Variants in LCORL observed in about 807,000 individuals in gnomAD.
The protein encoded by LCORL is ligand dependent nuclear receptor corepressor like, also known as ligand-dependent nuclear receptor corepressor-like protein.
A neutral mutation model predicts 141.8 loss-of-function variants in LCORL; 41 were observed. The observed-to-expected ratio is 0.29, with a 90% CI of 0.23 to 0.38. The LOEUF is 0.38. Ranked by LOEUF, LCORL falls within the 10% of genes least tolerant of loss-of-function variation. The pLI is 1.00. For missense variants in LCORL, 1,759 were observed against 2,035.0 expected (o/e 0.86, Z 2.61); for synonymous variants, 618 against 694.1 (o/e 0.89, Z 1.72).
intron 4 of LCORL, among the ~76,000 whole-genome samples, chr4:17,917,935 T>C (rs1307260569): frequency 6.9e-6 from 1 of 145,322 alleles, no homozygotes. Flanking sequence ...AAGTTACAGG[T>C]TAACAAAAAC....
At chr4:17,854,462 A>G (rs1724126616) in intron 7 of LCORL, among the ~76,000 whole-genome samples, 1 of 152,174 alleles carries the variant, frequency 6.6e-6, no homozygotes, top group African/African-American at 2.4e-5. Flanking sequence ...TTCTGCATTG[A>G]ACCATATTAG....
At position 17,884,087 on chromosome 4, in the gene LCORL, T is replaced by A. The variant is rs745872784; in HGVS notation, c.776+1981A>T. On this transcript the variant is annotated intron_variant, in intron 6 of 7. Transcript: ENST00000635767. This position sits in a 1 kb window ranked among gnomAD's most constrained non-coding sequence, Gnocchi z 4.4. ...AAGACACAAAGGAGAGAGGTCCCCA[T>A]GTAGAAAGTAAGAGTCAACACTTGA... The A allele has an allele frequency of 3.1e-5, 48 of 1,550,532 alleles. No homozygotes were observed. The highest frequency in any genetic ancestry group is 3.9e-5 in the Non-Finnish European group (45 of 1,146,316).
intron 5 of LCORL, among the ~76,000 whole-genome samples, chr4:17,906,012 A>G (rs1182200094): frequency 6.6e-6 from 1 of 152,214 alleles, no homozygotes; most frequent in African/African-American, 2.4e-5. Context: ...CTTCTAAAGT[A>G]TATTATCATT....
intron 4 of LCORL, among the ~76,000 whole-genome samples, chr4:17,954,458 T>C (rs575990108): frequency 2.7e-4 from 41 of 152,290 alleles, no homozygotes; most frequent in East Asian, 1.2e-3. Flanking sequence ...CCAGACCACA[T>C]AGAGTCCTTG....
intron 4 of LCORL, among the ~76,000 whole-genome samples, chr4:17,953,258 A>T (rs1207928617): frequency 1.3e-5 from 2 of 152,150 alleles, no homozygotes; most frequent in Non-Finnish European, 2.9e-5. Context: ...TTGGGCATAC[A>T]CCCAGTAATG....
At chr4:17,940,407 C>T (rs1381114359) in intron 4 of LCORL, among the ~76,000 whole-genome samples, 2 of 147,052 alleles carry the variant, frequency 1.4e-5, no homozygotes, top group African/African-American at 2.5e-5. Context: ...AGGAAACAAA[C>T]TATATTAAAA....
rs1194186686 is a variant in LCORL at position 18,021,719 on chromosome 4, G to GGCA, written c.30_32dup (p.Ala22dup). On this transcript the variant is annotated inframe_insertion, in exon 1 of 8. Coordinates refer to ENST00000635767, the Ensembl canonical transcript of LCORL. The surrounding 1 kb of genome is among the most constrained non-coding windows in gnomAD (Gnocchi z 5.5). Reference sequence around the variant, plus strand: ...CGGCGGCGGCGGCAGCAGCGGCGGCGGCAGCGGCCATTCTCTCTCTTCCCT... The same window carrying GGCA: ...CGGCGGCGGCGGCAGCAGCGGCGGCGGCAGCAGCGGCCATTCTCTCTCTTCCCT... 1.0e-5 allele frequency: 16 copies of GGCA among 1,525,634 alleles called. No individual in the cohort carries two copies. The highest frequency in any genetic ancestry group is 4.2e-5 in the Admixed American group (2 of 47,310). The allele number at this position is 1,525,634 out of a possible 1,614,324, so 94.5% of individuals were successfully genotyped here. A position where few individuals can be genotyped will look rare whatever the true frequency, so the allele number is the denominator to read the frequency against.
chr4:17,906,686 G>GC (rs1553865367), intron 5 of LCORL, among the ~76,000 whole-genome samples: 1 of 140,122 alleles, frequency 7.1e-6, no homozygotes, highest in South Asian at 2.3e-4. Context: ...CTTTTAAAAT[G>GC]CCTTTTTTTT....
chr4:17,865,842 G>C (rs1208368101), intron 7 of LCORL, among the ~76,000 whole-genome samples: 2 of 152,180 alleles, frequency 1.3e-5, no homozygotes, highest in African/African-American at 4.8e-5. Context: ...ACTAAAGTTT[G>C]TGAATCACAA....
At chr4:17,892,598 T>C (rs1729285002) in intron 5 of LCORL, among the ~76,000 whole-genome samples, 1 of 151,382 alleles carries the variant, frequency 6.6e-6, no homozygotes, top group Non-Finnish European at 1.5e-5. Context: ...AATTCATTAA[T>C]CTACTATTTA....
intron 4 of LCORL, among the ~76,000 whole-genome samples, chr4:17,956,754 C>A (rs935789627): frequency 6.6e-6 from 1 of 151,872 alleles, no homozygotes; most frequent in African/African-American, 2.4e-5. Flanking sequence ...CAGTTAATAA[C>A]AATATATTGT....
At chr4:17,935,426 T>C (rs1397355711) in intron 4 of LCORL, among the ~76,000 whole-genome samples, 1 of 152,204 alleles carries the variant, frequency 6.6e-6, no homozygotes. Flanking sequence ...CATGTTGAAA[T>C]GTGACCTTCA....
exon 8 of LCORL, chr4:17,844,520 C>CAA (rs1722735702): frequency 6.6e-6 from 1 of 152,260 alleles, no homozygotes; most frequent in South Asian, 2.1e-4. Flanking sequence ...TAAAAGGAGT[C>CAA]AAAGTTTCAA....
intron 1 of LCORL, among the ~76,000 whole-genome samples, chr4:17,986,713 C>T (rs896213257): frequency 3.3e-5 from 5 of 151,972 alleles, no homozygotes; most frequent in African/African-American, 1.2e-4. Flanking sequence ...TCTTGCTGTT[C>T]TCCCGAATCT....
chr4:17,997,684 A>G (rs993174795), intron 1 of LCORL, among the ~76,000 whole-genome samples: 2 of 152,150 alleles, frequency 1.3e-5, no homozygotes, highest in African/African-American at 4.8e-5. Context: ...AAAGATAAAG[A>G]TGCATAAAAC....
At chr4:17,912,784 C>T (rs1040895994) in intron 4 of LCORL, 11 of 420,840 alleles carry the variant, frequency 2.6e-5, no homozygotes, top group South Asian at 9.4e-5. Context: ...CCCAGGAGTA[C>T]GAGGTCCTGC....
intron 1 of LCORL, among the ~76,000 whole-genome samples, chr4:17,992,685 T>G (rs1456693882): frequency 6.6e-6 from 1 of 152,196 alleles, no homozygotes; most frequent in East Asian, 1.9e-4. Context: ...TTGACCTCCA[T>G]AACAAACAGA....
At chr4:17,881,277 T>C (rs1727537375) in intron 6 of LCORL, 1 of 981,942 alleles carries the variant, frequency 1.0e-6, no homozygotes, top group Non-Finnish European at 1.2e-6. Context: ...TGTCAATTAA[T>C]AAATAGTAAC....
At chr4:17,875,379 G>C (rs999549547) in exon 7 of LCORL, 2 of 1,231,258 alleles carry the variant, frequency 1.6e-6, no homozygotes, top group African/African-American at 3.1e-5. Flanking sequence ...ACTTTCAGTA[G>C]TCAAGCTTGC....
Sources: gnomAD v4.1 joint callset for allele counts (sites outside exome capture counted in the v4.1 genomes callset) on GRCh38, gnomAD v4.1.1 for gene constraint, Gnocchi (gnomAD v3.1) non-coding constraint, MANE v1.5 for transcripts, NCBI Gene and HGNC (gene_info 2026-07-23, HGNC 2026-07-21) for gene names.